Variants in HMCN2 observed in about 807,000 individuals in gnomAD.
The protein encoded by HMCN2 is hemicentin 2.
Under a neutral mutation model 377.5 loss-of-function variants are expected in HMCN2, and 325 were observed. The observed-to-expected ratio is 0.86, with a 90% CI of 0.79 to 0.94. HMCN2 has a LOEUF of 0.94. Among genes scored for constraint, HMCN2 ranks in the 40% least tolerant of loss-of-function variants. The pLI is 0.00. For synonymous variants in HMCN2, 2,007 were observed against 2,046.8 expected (o/e 0.98, Z 0.53); for missense variants, 4,543 against 4,725.3 (o/e 0.96, Z 1.13).
At chr9:130,335,673 A>C (rs1838706351) in intron 22 of HMCN2, among the ~76,000 whole-genome samples, 1 of 152,094 alleles carries the variant, frequency 6.6e-6, no homozygotes, top group Non-Finnish European at 1.5e-5. Flanking sequence ...GTGTGATATC[A>C]GTTCACACTA....
chr9:130,331,766 C>T (rs1281672781), intron 22 of HMCN2, among the ~76,000 whole-genome samples: 6 of 152,288 alleles, frequency 3.9e-5, no homozygotes, highest in African/African-American at 9.6e-5. Context: ...TTTGGGATTC[C>T]GATGAGGAGA....
rs913072934 is a variant in HMCN2 at position 130,408,880 on chromosome 9, A to G, written c.12826A>G (p.Ser4276Gly). 2 of 1,289,782 alleles carry G rather than the reference A, an allele frequency of 1.6e-6. No homozygotes were observed. Among genetic ancestry groups the G allele is most frequent in the Admixed American group, 4.6e-5 (2 of 43,564 alleles). The allele number at this position is 1,289,782 out of a possible 1,614,324, so 79.9% of individuals were successfully genotyped here. A position where few individuals can be genotyped will look rare whatever the true frequency, so the allele number is the denominator to read the frequency against. Residue 4276 changes from serine (S) to glycine (G), a missense_variant, in exon 84 of 98, where the codon AGC becomes GGC. This residue lies in a region of HMCN2 where 1,155 missense variants were observed against 1,157.7 expected (regional missense o/e 1.00). Transcript: ENST00000683500. ...CAAAGATGGCCTTCCACTGCGGGGCAGCCACCTCCGGCACCAGCTGCAGAA... is the reference window on the plus strand; with the variant it reads ...CAAAGATGGCCTTCCACTGCGGGGCGGCCACCTCCGGCACCAGCTGCAGAA... ...WIKDGLPLRG[S>G]HLRHQLQNGS...
chr9:130,361,793 C>T lies in HMCN2; in HGVS notation c.5951-215C>T, dbSNP rs1840400181. ...GGGCAGGTGACTTCCCCTCTGTCAGCCTCAGTTTCCCATCTATAGAAGCCT... is the reference window on the plus strand; with the variant it reads ...GGGCAGGTGACTTCCCCTCTGTCAGTCTCAGTTTCCCATCTATAGAAGCCT... On this transcript the variant is annotated intron_variant, in intron 38 of 97. Coordinates refer to ENST00000683500, the MANE Select transcript of HMCN2 (RefSeq NM_001291815.2). The surrounding 1 kb of genome is among the most constrained non-coding windows in gnomAD (Gnocchi z 4.8). Among the ~76,000 whole-genome samples, 1 of 152,194 alleles carries T rather than the reference C, an allele frequency of 6.6e-6. No homozygotes were observed. Among genetic ancestry groups the T allele is most frequent in the African/African-American group, 2.4e-5 (1 of 41,436 alleles).
intron 4 of HMCN2, among the ~76,000 whole-genome samples, chr9:130,291,719 CAT>C (rs1835775227): frequency 6.6e-6 from 1 of 152,186 alleles, no homozygotes; most frequent in Non-Finnish European, 1.5e-5. Context: ...TCTGAAAAAA[CAT>C]AGTCTTCAAC....
chr9:130,387,752 C>A (rs1842099431), intron 61 of HMCN2, among the ~76,000 whole-genome samples: 3 of 152,098 alleles, frequency 2.0e-5, no homozygotes, highest in Admixed American at 2.0e-4. Context: ...GCACATGCAA[C>A]CCTGAGCCAT....
intron 31 of HMCN2, among the ~76,000 whole-genome samples, chr9:130,353,852 G>A (rs1312373203): frequency 6.6e-6 from 1 of 152,168 alleles, no homozygotes; most frequent in Admixed American, 6.5e-5. Context: ...TCTGAGCAGG[G>A]CCCCGGTGAA....
intron 6 of HMCN2, 150 bp downstream of exon 6, chr9:130,295,922 T>G (rs1554931926): frequency 2.8e-6 from 1 of 358,050 alleles, no homozygotes. Flanking sequence ...AAGTAACGGG[T>G]CAAGGACAGA....
chr9:130,425,607 TTCC>T (rs1295902893), intron 89 of HMCN2, 77 bp from the exon 90 acceptor site: 15 of 1,015,286 alleles, frequency 1.5e-5, no homozygotes, highest in Non-Finnish European at 1.9e-5. Context: ...TCTCAGCATT[TTCC>T]TCCTCCCCTT....
At chr9:130,430,021 G>C (rs1460242865) in intron 94 of HMCN2, 7 of 596,954 alleles carry the variant, frequency 1.2e-5, no homozygotes, top group African/African-American at 1.9e-5. Context: ...GATCTAACTG[G>C]GGCACTGAAG....
At chr9:130,357,564 G>A (rs754189420) in intron 34 of HMCN2, among the ~76,000 whole-genome samples, 22 of 152,300 alleles carry the variant, frequency 1.4e-4, no homozygotes, top group East Asian at 1.9e-4. Context: ...CAGAAGGATA[G>A]GTAGATGAAT....
chr9:130,372,513 C>A, intron 47 of HMCN2, 106 bp downstream of exon 47: 1 of 228,158 alleles, frequency 4.4e-6, no homozygotes, highest in Non-Finnish European at 7.3e-6. Flanking sequence ...GTAGCAGGGG[C>A]CCAGCACAGA....
intron 61 of HMCN2, 26 bp from the exon 62 acceptor site, chr9:130,388,383 C>G: frequency 1.0e-6 from 1 of 987,860 alleles, no homozygotes; most frequent in Non-Finnish European, 1.2e-6. Context: ...TCTCAGAATT[C>G]TGACAGTCTG....
intron 52 of HMCN2, among the ~76,000 whole-genome samples, 169 bp downstream of exon 52, chr9:130,376,827 T>C (rs940486269): frequency 1.3e-5 from 2 of 152,134 alleles, no homozygotes; most frequent in African/African-American, 2.4e-5. Flanking sequence ...GATGGAGTGT[T>C]GCTCTGTCAC....
chr9:130,369,513 G>T lies in HMCN2; in HGVS notation c.6788-57G>T. On this transcript the variant is annotated intron_variant, in intron 44 of 97. Coordinates refer to ENST00000683500, the MANE Select transcript of HMCN2 (RefSeq NM_001291815.2). This position sits in a 1 kb window ranked among gnomAD's most constrained non-coding sequence, Gnocchi z 4.5. ...TCCCTATTGGGCCCGGGGTAAGTGT[G>T]TGGTGCCTGGTGGCCCCAGCAGCTT... 4 of 952,644 alleles carry T rather than the reference G, an allele frequency of 4.2e-6. No individual in the cohort carries two copies. The highest frequency in any genetic ancestry group is 5.0e-6 in the Non-Finnish European group (4 of 799,704). The allele number at this position is 952,644 out of a possible 1,614,324, so 59.0% of individuals were successfully genotyped here.
Position 130,296,781 on chromosome 9 carries a change from G to A in HMCN2, c.999G>A (p.Glu333=), listed in dbSNP as rs1554932337. 1 of 471,154 alleles carries A rather than the reference G, an allele frequency of 2.1e-6. No individual in the cohort carries two copies. Among genetic ancestry groups the A allele is most frequent in the Non-Finnish European group, 4.4e-6 (1 of 227,056 alleles). 29.2% of individuals were successfully genotyped at this position (471,154 alleles called of 1,614,324 possible). A position where few individuals can be genotyped will look rare whatever the true frequency, so the allele number is the denominator to read the frequency against. Residue 333 remains glutamate, a synonymous_variant, in exon 7 of 98, where the codon GAG becomes GAA. Coordinates refer to ENST00000683500, the MANE Select transcript of HMCN2 (RefSeq NM_001291815.2). ...TGCTGGACCTCAACCACACCCTCGAGTGGCCCTTGCAAGGTACAGTACCCC... is the reference window on the plus strand; with the variant it reads ...TGCTGGACCTCAACCACACCCTCGAATGGCCCTTGCAAGGTACAGTACCCC... ...QPLLDLNHTL[E]WPLQGVPISL... is the part of the protein sequence containing the mutation.
chr9:130,334,549 G>GTTTTTTTTTTT (rs1192246439), intron 22 of HMCN2, among the ~76,000 whole-genome samples: 2 of 99,052 alleles, frequency 2.0e-5, no homozygotes, highest in Non-Finnish European at 1.9e-5. Flanking sequence ...ACTTTTGGAA[G>GTTTTTTTTTTT]TTTTTTTTTT....
rs192299052 is a variant in HMCN2 at position 130,361,575 on chromosome 9, C to G, written c.5951-433C>G. On this transcript the variant is annotated intron_variant, in intron 38 of 97. Coordinates refer to ENST00000683500, the MANE Select transcript of HMCN2 (RefSeq NM_001291815.2). The surrounding 1 kb of genome is among the most constrained non-coding windows in gnomAD (Gnocchi z 4.8). The stretch of plus-strand genomic sequence containing the variant: ...CCTGGGCATCATGGCTGGTGCCTCC[C>G]AGATACAATGGAATCTTCTGGCTAT... Among the ~76,000 whole-genome samples, 1 of 152,276 alleles carries G rather than the reference C, an allele frequency of 6.6e-6. No individual in the cohort carries two copies. Among genetic ancestry groups the G allele is most frequent in the East Asian group, 1.9e-4 (1 of 5,178 alleles).
chr9:130,398,786 A>T, intron 75 of HMCN2, 79 bp downstream of exon 75: 252 of 760,466 alleles, frequency 3.3e-4, no homozygotes, highest in Non-Finnish European at 4.5e-4. Context: ...GGCATGGGGC[A>T]GGGACGGGGC....
chr9:130,357,253 G>T (rs1222438661), intron 34 of HMCN2, among the ~76,000 whole-genome samples: 2 of 147,060 alleles, frequency 1.4e-5, no homozygotes, highest in African/African-American at 2.6e-5. Flanking sequence ...TGGATGGAAG[G>T]GTGGGTAGAT....
Sources: allele counts gnomAD v4.1 joint callset (sites outside exome capture counted in the v4.1 genomes callset), GRCh38; gene constraint gnomAD v4.1.1; regional missense constraint gnomAD v4.1.1; non-coding constraint Gnocchi (gnomAD v3.1); transcripts MANE v1.5; gene names NCBI Gene and HGNC (gene_info 2026-07-23, HGNC 2026-07-21).